VPS13B: variants seen among roughly 807,000 people sequenced by gnomAD.
VPS13B encodes the protein intermembrane lipid transfer protein VPS13B.
A neutral mutation model predicts 426.4 loss-of-function variants in VPS13B; 285 were observed. That is an observed-to-expected ratio of 0.67 (90% CI 0.61 to 0.74). The LOEUF is 0.74. Ranked by LOEUF, VPS13B falls within the 30% of genes least tolerant of loss-of-function variation. VPS13B has a pLI of 0.00. For missense variants in VPS13B, 4,537 were observed against 4,782.6 expected (o/e 0.95, Z 1.51); for synonymous variants, 1,676 against 1,676.4 (o/e 1.00, Z 0.01).
intron 34 of VPS13B, among the ~76,000 whole-genome samples, chr8:99,653,979 G>T (rs1829922625): frequency 6.6e-6 from 1 of 151,884 alleles, no homozygotes; most frequent in African/African-American, 2.4e-5. Context: ...AGAGCAATTT[G>T]GAACTGGTTT....
At chr8:99,599,612 A>G (rs1563817703) in intron 33 of VPS13B, among the ~76,000 whole-genome samples, 3 of 152,124 alleles carry the variant, frequency 2.0e-5, no homozygotes, top group Non-Finnish European at 4.4e-5. Context: ...TACATAAAGG[A>G]ATAGACTTTT....
Position 99,832,545 on chromosome 8 carries a change from T to G in VPS13B, c.9507T>G (p.Ala3169=). The change falls in exon 52 of 62, where the codon GCT becomes GCG. Residue 3169 remains alanine (A), a synonymous_variant. Coordinates refer to ENST00000357162, the MANE Select transcript of VPS13B (RefSeq NM_152564.5). ...TGGGCTTTTCTCCTGCCCCAGGTGC[T>G]GACAGCTCACAGTGCTGGAGCCTGC... ...IMLGFSPAPG[A]DSSQCWSLPA... 6.2e-7 allele frequency: 1 copy of G among 1,613,908 alleles called. No homozygotes were observed. The highest frequency in any genetic ancestry group is 8.5e-7 in the Non-Finnish European group (1 of 1,179,984).
At chr8:99,748,738 T>A (rs1293508799) in intron 39 of VPS13B, among the ~76,000 whole-genome samples, 1 of 152,044 alleles carries the variant, frequency 6.6e-6, no homozygotes, top group Admixed American at 6.6e-5. Flanking sequence ...TTTAAGAATA[T>A]GACTGTGTTT....
chr8:99,496,952 A>G (rs1232414296), intron 25 of VPS13B, among the ~76,000 whole-genome samples: 1 of 151,342 alleles, frequency 6.6e-6, no homozygotes, highest in Non-Finnish European at 1.5e-5. Flanking sequence ...TTCTGTGTAT[A>G]TAAAATGTTT....
intron 17 of VPS13B, among the ~76,000 whole-genome samples, chr8:99,256,553 GTTA>G (rs1817753269): frequency 6.6e-6 from 1 of 151,968 alleles, no homozygotes. Context: ...GATATCATCT[GTTA>G]TTATTATTAT....
intron 17 of VPS13B, among the ~76,000 whole-genome samples, chr8:99,234,804 C>T (rs1489895094): frequency 6.6e-6 from 1 of 152,060 alleles, no homozygotes; most frequent in Non-Finnish European, 1.5e-5. Flanking sequence ...TTAATTGCAA[C>T]AAGTCTCCCA....
At chr8:99,017,708 G>A (rs1841693714) in intron 2 of VPS13B, among the ~76,000 whole-genome samples, 1 of 151,992 alleles carries the variant, frequency 6.6e-6, no homozygotes, top group Non-Finnish European at 1.5e-5. Flanking sequence ...GGCCAGGCTG[G>A]TCTCGAACTC....
chr8:99,587,579 A>T (rs572001710), intron 33 of VPS13B, among the ~76,000 whole-genome samples: 1 of 151,730 alleles, frequency 6.6e-6, no homozygotes, highest in Non-Finnish European at 1.5e-5. Flanking sequence ...ACCAGTGATG[A>T]TGAGCATTTT....
At chr8:99,347,490 A>G (rs1811603761) in intron 19 of VPS13B, 1 of 152,560 alleles carries the variant, frequency 6.6e-6, no homozygotes, top group Admixed American at 6.5e-5. Context: ...CTAAGAGAAC[A>G]CTGAGGGCCC....
At chr8:99,208,716 T>A (rs956524581) in intron 17 of VPS13B, among the ~76,000 whole-genome samples, 5 of 152,230 alleles carry the variant, frequency 3.3e-5, no homozygotes, top group African/African-American at 1.2e-4. Flanking sequence ...AAAAGTCTTA[T>A]TATCATAGAT....
intron 35 of VPS13B, among the ~76,000 whole-genome samples, chr8:99,669,640 T>C (rs1466760188): frequency 6.6e-6 from 1 of 152,170 alleles, no homozygotes; most frequent in Non-Finnish European, 1.5e-5. Context: ...GCATGGCCAC[T>C]GGTCTTTTTC....
In VPS13B at chr8:99,581,293, G is replaced by A. The variant is rs149607736; in HGVS notation, c.5220+3660G>A. 3.7e-3 allele frequency among the ~76,000 whole-genome samples: 559 copies of A among 152,138 alleles called. 8 individuals carry two copies. The highest frequency in any genetic ancestry group is 0.019 in the South Asian group (93 of 4,814). ...ATCTTTGAAACTAGAAGTGAAAACCGTAAAGTAATCTGAGGATTCTTGCCA... is the reference window on the plus strand; with the variant it reads ...ATCTTTGAAACTAGAAGTGAAAACCATAAAGTAATCTGAGGATTCTTGCCA... On this transcript the variant is annotated intron_variant, in intron 33 of 61. Transcript: ENST00000357162.
intron 35 of VPS13B, among the ~76,000 whole-genome samples, chr8:99,677,985 A>G (rs904077911): frequency 8.6e-5 from 13 of 152,014 alleles, no homozygotes; most frequent in Admixed American, 1.3e-4. Flanking sequence ...TTATCCCTGT[A>G]CAATAGTCTC....
chr8:99,829,492 C>A (rs1030587418), intron 51 of VPS13B, among the ~76,000 whole-genome samples: 9 of 152,190 alleles, frequency 5.9e-5, no homozygotes, highest in African/African-American at 1.9e-4. Flanking sequence ...GTTAGCAATT[C>A]ATGTAACCTT....
chr8:99,305,948 T>C (rs971605821), intron 19 of VPS13B, among the ~76,000 whole-genome samples: 12 of 152,144 alleles, frequency 7.9e-5, no homozygotes, highest in African/African-American at 2.7e-4. Context: ...CTGTCAAAAA[T>C]TGCCTGTTTC....
At chr8:99,613,973 A>G (rs1354637908) in intron 33 of VPS13B, 1 of 152,128 alleles carries the variant, frequency 6.6e-6, no homozygotes, top group African/African-American at 2.4e-5. Context: ...CTTAGTGTAG[A>G]CACCCAACTG....
At chr8:99,859,021 T>C (rs976327160) in intron 56 of VPS13B, among the ~76,000 whole-genome samples, 1 of 152,124 alleles carries the variant, frequency 6.6e-6, no homozygotes, top group Non-Finnish European at 1.5e-5. Flanking sequence ...CCCCGCCACA[T>C]GGACCCCCGT....
At chr8:99,752,889 A>G (rs930521593) in intron 39 of VPS13B, among the ~76,000 whole-genome samples, 1 of 152,216 alleles carries the variant, frequency 6.6e-6, no homozygotes, top group Non-Finnish European at 1.5e-5. Flanking sequence ...GTTTATGAGC[A>G]TTGCTTATTT....
At chr8:99,715,666 T>A (rs1454798044) in intron 36 of VPS13B, among the ~76,000 whole-genome samples, 10 of 152,148 alleles carry the variant, frequency 6.6e-5, no homozygotes, top group Admixed American at 6.5e-4. Context: ...ATTAGATATG[T>A]CACTGTGGGG....
Sources: allele counts gnomAD v4.1 joint callset (sites outside exome capture counted in the v4.1 genomes callset), GRCh38; gene constraint gnomAD v4.1.1; transcripts MANE v1.5; gene names NCBI Gene and HGNC (gene_info 2026-07-23, HGNC 2026-07-21).